ACVR1B: variants seen among roughly 807,000 people sequenced by gnomAD.
The protein encoded by ACVR1B is activin A receptor type 1B.
ACVR1B carries 15 observed loss-of-function variants against 55.6 expected under a neutral mutation model. The ratio of observed to expected loss-of-function variants is 0.27; its 90% confidence interval spans 0.18 to 0.42. The LOEUF is 0.42. Among genes scored for constraint, ACVR1B ranks in the 10% least tolerant of loss-of-function variants. The pLI is 1.00. For missense variants in ACVR1B, 359 were observed against 670.1 expected, an observed-to-expected ratio of 0.54 and a Z score of 5.13; for synonymous variants, 247 against 254.6, an observed-to-expected ratio of 0.97 and a Z score of 0.28.
chr12:51,981,774 G>T (rs1427438061), intron 4 of ACVR1B, among the ~76,000 whole-genome samples: 1 of 151,846 alleles, frequency 6.6e-6, no homozygotes, highest in African/African-American at 2.4e-5. Flanking sequence ...GGAGGTTGCA[G>T]TGAGCTGGAG....
chr12:51,984,366 A>G (rs1942039415), intron 5 of ACVR1B, among the ~76,000 whole-genome samples, 200 bp downstream of exon 5: 1 of 152,252 alleles, frequency 6.6e-6, no homozygotes, highest in Admixed American at 6.5e-5. Flanking sequence ...CTGTCTTGAT[A>G]GAACTCCCTC....
intron 1 of ACVR1B, among the ~76,000 whole-genome samples, chr12:51,971,286 G>A (rs112390850): frequency 3.3e-5 from 5 of 152,302 alleles, no homozygotes; most frequent in African/African-American, 1.2e-4. Context: ...CTTTGGAACC[G>A]TGTTCAAACC....
chr12:51,978,102 G>A (rs780065998), intron 3 of ACVR1B, among the ~76,000 whole-genome samples: 4 of 152,008 alleles, frequency 2.6e-5, no homozygotes, highest in Non-Finnish European at 5.9e-5. Context: ...ATTAAGCTCT[G>A]CAGTAGAGAG....
At chr12:51,971,803 T>G (rs1190136373) in intron 1 of ACVR1B, among the ~76,000 whole-genome samples, 1 of 152,192 alleles carries the variant, frequency 6.6e-6, no homozygotes, top group East Asian at 1.9e-4. Context: ...CAGTGTGAAC[T>G]TAAAAACAAA....
At chr12:51,965,516 G>A (rs1941622124) in intron 1 of ACVR1B, among the ~76,000 whole-genome samples, 1 of 152,186 alleles carries the variant, frequency 6.6e-6, no homozygotes, top group African/African-American at 2.4e-5. Context: ...GCAGCTGGGT[G>A]GGAGGACAAC....
At chr12:51,953,713 A>G (rs796941507) in intron 1 of ACVR1B, among the ~76,000 whole-genome samples, 20 of 152,062 alleles carry the variant, frequency 1.3e-4, no homozygotes, top group East Asian at 1.2e-3. Context: ...CAGGATTTTT[A>G]ACAGTCATTT....
At chr12:51,958,827 C>T (rs560953678) in intron 1 of ACVR1B, among the ~76,000 whole-genome samples, 1 of 152,318 alleles carries the variant, frequency 6.6e-6, no homozygotes, top group Admixed American at 6.5e-5. Context: ...TGCCACTTAC[C>T]TCCTGCTGTG....
chr12:51,971,723 C>T (rs1023047957), intron 1 of ACVR1B, among the ~76,000 whole-genome samples: 1 of 152,144 alleles, frequency 6.6e-6, no homozygotes, highest in African/African-American at 2.4e-5. Flanking sequence ...AAATGTCTGT[C>T]TTTAAAAGAT....
intron 1 of ACVR1B, among the ~76,000 whole-genome samples, chr12:51,957,526 C>T (rs1006266418): frequency 5.3e-5 from 8 of 151,896 alleles, no homozygotes; most frequent in African/African-American, 1.9e-4. Context: ...CTTTGTCAGC[C>T]TCCCAAGTGG....
In ACVR1B at chr12:51,975,485, C is replaced by T. The variant is rs754112316; in HGVS notation, c.312C>T (p.Ile104=). ...GCTACACTGACTACTGCAACAGGAT[C>T]GACTTGAGGGTGCCCAGTGGTGAGT... ...HCCYTDYCNR[I]DLRVPSGHLK... Residue 104 remains isoleucine (I), a synonymous_variant, in exon 2 of 9, where the codon ATC becomes ATT. Coordinates refer to ENST00000257963, the MANE Select transcript of ACVR1B (RefSeq NM_004302.5). 29 of 1,613,992 alleles carry T rather than the reference C, an allele frequency of 1.8e-5. No individual in the cohort carries two copies. The highest frequency in any genetic ancestry group is 1.6e-4 in the Middle Eastern group (1 of 6,082).
At chr12:51,990,527 G>A (rs1409967930) in intron 7 of ACVR1B, among the ~76,000 whole-genome samples, 1 of 151,574 alleles carries the variant, frequency 6.6e-6, no homozygotes, top group East Asian at 2.0e-4. Flanking sequence ...TGTTGCCCAG[G>A]CTGGTCTTGA....
chr12:51,955,122 A>C (rs1413675313), intron 1 of ACVR1B, among the ~76,000 whole-genome samples: 3 of 152,198 alleles, frequency 2.0e-5, no homozygotes, highest in Non-Finnish European at 4.4e-5. Context: ...AACTCTGGGT[A>C]TGTTTATGGC....
intron 4 of ACVR1B, among the ~76,000 whole-genome samples, chr12:51,983,768 CAGG>C (rs890426707): frequency 1.4e-4 from 21 of 152,322 alleles, no homozygotes; most frequent in African/African-American, 4.6e-4. Flanking sequence ...TAAAGGAAAT[CAGG>C]AGCAGTCCTA....
At chr12:51,954,649 A>C (rs1941374828) in intron 1 of ACVR1B, among the ~76,000 whole-genome samples, 1 of 152,186 alleles carries the variant, frequency 6.6e-6, no homozygotes, top group Non-Finnish European at 1.5e-5. Flanking sequence ...TGGAGGGAGG[A>C]GGCTGGTTTT....
At chr12:51,982,049 C>T (rs367871871) in intron 4 of ACVR1B, among the ~76,000 whole-genome samples, 17 of 152,264 alleles carry the variant, frequency 1.1e-4, no homozygotes, top group East Asian at 7.7e-4. Context: ...ATGTGCCAGG[C>T]ACCTCCCTAT....
At chr12:51,975,613 C>G in intron 2 of ACVR1B, 109 bp downstream of exon 2, 2 of 1,403,886 alleles carry the variant, frequency 1.4e-6, no homozygotes, top group Non-Finnish European at 1.9e-6. Flanking sequence ...ATAAAGATGC[C>G]TTTTGGATGT....
At chr12:51,992,709 A>C (rs1942217172) in intron 8 of ACVR1B, among the ~76,000 whole-genome samples, 1 of 152,156 alleles carries the variant, frequency 6.6e-6, no homozygotes, top group Admixed American at 6.5e-5. Context: ...CCTGTGAGGA[A>C]AGTGGTCTTT....
chr12:51,966,887 T>G (rs181797756), intron 1 of ACVR1B, among the ~76,000 whole-genome samples: 1 of 152,170 alleles, frequency 6.6e-6, no homozygotes, highest in African/African-American at 2.4e-5. Context: ...AAACTGCAAT[T>G]TAAAATATAA....
In ACVR1B at chr12:51,980,953, ATTC is replaced by A; in HGVS notation, c.581-13_581-11del. ...AATTTGCAATGTCAGGTTTCTTCCT[ATTC>A]TTTGGTTCACAGGGTTACCCCTCTT... On this transcript the variant is annotated splice_polypyrimidine_tract_variant and intron_variant, in intron 3 of 8. Coordinates refer to ENST00000257963, the MANE Select transcript of ACVR1B (RefSeq NM_004302.5). The A allele has an allele frequency of 6.4e-7, 1 of 1,571,802 alleles. No homozygotes were observed. The highest frequency in any genetic ancestry group is 8.6e-7 in the Non-Finnish European group (1 of 1,158,460).
Sources: allele counts gnomAD v4.1 joint callset (sites outside exome capture counted in the v4.1 genomes callset), GRCh38; gene constraint gnomAD v4.1.1; transcripts MANE v1.5; gene names NCBI Gene and HGNC (gene_info 2026-07-23, HGNC 2026-07-21).